SNTB1: variants seen among roughly 807,000 people sequenced by gnomAD.
The protein encoded by SNTB1 is beta-1-syntrophin.
In SNTB1, 36 loss-of-function variants were observed where a neutral mutation model predicts 48.9. The observed-to-expected ratio is 0.74, with a 90% confidence interval of 0.56 to 0.97. The LOEUF (loss-of-function observed/expected upper bound fraction) is 0.97. Among genes scored for constraint, SNTB1 ranks in the 50% least tolerant of loss-of-function variants. SNTB1 has a pLI of 0.00. For synonymous variants in SNTB1, 299 were observed against 294.6 expected, an observed-to-expected ratio of 1.01 and a Z score of -0.15; for missense variants, 786 against 703.4, an observed-to-expected ratio of 1.12 and a Z score of -1.33.
At chr8:120,751,468 A>G (rs1427754764) in intron 1 of SNTB1, among the ~76,000 whole-genome samples, 1 of 147,926 alleles carries the variant, frequency 6.8e-6, no homozygotes, top group Non-Finnish European at 1.5e-5. Flanking sequence ...TAAATCTTAA[A>G]GGATACTTTT....
chr8:120,564,079 AC>A (rs1252842557), intron 4 of SNTB1, among the ~76,000 whole-genome samples: 1 of 151,318 alleles, frequency 6.6e-6, no homozygotes, highest in Non-Finnish European at 1.5e-5. Flanking sequence ...TTGCACTCCA[AC>A]CTGGGCAATA....
At chr8:120,600,948 T>A (rs894198044) in intron 3 of SNTB1, among the ~76,000 whole-genome samples, 1 of 151,954 alleles carries the variant, frequency 6.6e-6, no homozygotes, top group Non-Finnish European at 1.5e-5. Context: ...GGGGAGTGGT[T>A]AGACTCTGAT....
chr8:120,586,502 C>A (rs973037289), intron 3 of SNTB1, among the ~76,000 whole-genome samples: 1 of 152,152 alleles, frequency 6.6e-6, no homozygotes, highest in Non-Finnish European at 1.5e-5. Flanking sequence ...TTTTCTCCTG[C>A]TGTTTCTGTC....
intron 2 of SNTB1, among the ~76,000 whole-genome samples, chr8:120,684,932 A>G (rs768446483): frequency 2.4e-4 from 37 of 152,328 alleles, no homozygotes; most frequent in African/African-American, 8.9e-4. Flanking sequence ...CTGGGATTAC[A>G]GGTGTGAGCC....
At chr8:120,584,132 G>A (rs1044860518) in intron 3 of SNTB1, among the ~76,000 whole-genome samples, 5 of 151,626 alleles carry the variant, frequency 3.3e-5, no homozygotes, top group Non-Finnish European at 5.9e-5. Flanking sequence ...ATGACAAAAC[G>A]CTATCTCTAC....
chr8:120,619,791 G>T (rs1476163556), intron 3 of SNTB1, among the ~76,000 whole-genome samples: 1 of 152,094 alleles, frequency 6.6e-6, no homozygotes, highest in African/African-American at 2.4e-5. Context: ...CTCAGACCTG[G>T]AGGAGGCCCA....
intron 4 of SNTB1, among the ~76,000 whole-genome samples, chr8:120,573,190 T>G (rs1211556950): frequency 6.6e-6 from 1 of 152,188 alleles, no homozygotes; most frequent in African/African-American, 2.4e-5. Flanking sequence ...CTAACAACAG[T>G]GTACAAGGGT....
At chr8:120,725,583 G>GTTT (rs1413190823) in intron 1 of SNTB1, among the ~76,000 whole-genome samples, 7 of 152,232 alleles carry the variant, frequency 4.6e-5, no homozygotes, top group Non-Finnish European at 8.8e-5. Context: ...TTCTTTGTTT[G>GTTT]TTTGTTTTTG....
intron 1 of SNTB1, among the ~76,000 whole-genome samples, chr8:120,803,260 A>G (rs1289014647): frequency 6.6e-6 from 1 of 152,130 alleles, no homozygotes; most frequent in African/African-American, 2.4e-5. Flanking sequence ...TATTAATCAT[A>G]AGCTTTTCCA....
At chr8:120,787,041 C>A (rs1587162601) in intron 1 of SNTB1, among the ~76,000 whole-genome samples, 1 of 152,172 alleles carries the variant, frequency 6.6e-6, no homozygotes, top group Non-Finnish European at 1.5e-5. Flanking sequence ...AACCTGCTCA[C>A]ATACCTAACA....
At chr8:120,676,185 T>C (rs1204859599) in intron 2 of SNTB1, among the ~76,000 whole-genome samples, 1 of 152,244 alleles carries the variant, frequency 6.6e-6, no homozygotes, top group African/African-American at 2.4e-5. Context: ...AAGTCTCATG[T>C]TGTACTTTGT....
intron 6 of SNTB1, 24 bp from the exon 7 acceptor site, chr8:120,538,993 A>G (rs1476703632): frequency 6.4e-7 from 1 of 1,573,694 alleles, no homozygotes; most frequent in Admixed American, 1.8e-5. Flanking sequence ...AGAAGAGAGC[A>G]TGAGCGATTT....
At chr8:120,646,805 T>C (rs1817305159) in intron 2 of SNTB1, among the ~76,000 whole-genome samples, 1 of 152,216 alleles carries the variant, frequency 6.6e-6, no homozygotes. Flanking sequence ...TGGACTCTTT[T>C]TGGTTGGTAA....
chr8:120,769,674 A>G (rs1350257801), intron 1 of SNTB1: 1 of 152,250 alleles, frequency 6.6e-6, no homozygotes, highest in East Asian at 1.9e-4. Context: ...TGATCCAGCC[A>G]TCTCAGCCTA....
chr8:120,619,947 C>A (rs1816767596), intron 3 of SNTB1, among the ~76,000 whole-genome samples: 2 of 152,044 alleles, frequency 1.3e-5, no homozygotes. Flanking sequence ...TAGTTCTTTG[C>A]CAGAAAATAG....
chr8:120,673,436 A>G (rs1817787768), intron 2 of SNTB1, among the ~76,000 whole-genome samples: 1 of 151,898 alleles, frequency 6.6e-6, no homozygotes, highest in African/African-American at 2.4e-5. Flanking sequence ...GATTACAAGC[A>G]TGCATCACCA....
chr8:120,729,172 G>A (rs2129971443), intron 1 of SNTB1, among the ~76,000 whole-genome samples: 1 of 152,132 alleles, frequency 6.6e-6, no homozygotes, highest in South Asian at 2.1e-4. Context: ...CAGAGGCGTG[G>A]TTTCTACAGC....
At chr8:120,733,767 G>C (rs568522733) in intron 1 of SNTB1, among the ~76,000 whole-genome samples, 7 of 152,156 alleles carry the variant, frequency 4.6e-5, no homozygotes, top group Non-Finnish European at 8.8e-5. Flanking sequence ...CAATAGTAAG[G>C]AAACTCTATT....
At chr8:120,693,325 C>G (rs1167424021) in intron 2 of SNTB1, among the ~76,000 whole-genome samples, 1 of 152,154 alleles carries the variant, frequency 6.6e-6, no homozygotes, top group East Asian at 1.9e-4. Context: ...ATTTAGTTCT[C>G]ACAACCAAAC....
Sources: gnomAD v4.1 joint callset for allele counts (sites outside exome capture counted in the v4.1 genomes callset) on GRCh38, gnomAD v4.1.1 for gene constraint, MANE v1.5 for transcripts, NCBI Gene and HGNC (gene_info 2026-07-23, HGNC 2026-07-21) for gene names.